Variants in LEKR1 observed in about 807,000 individuals in gnomAD.
LEKR1 encodes protein LEKR1.
Under a neutral mutation model 72.4 loss-of-function variants are expected in LEKR1, and 59 were observed. The ratio of observed to expected loss-of-function variants is 0.82; its 90% CI spans 0.66 to 1.01. The LOEUF (loss-of-function observed/expected upper bound fraction) is 1.01. Among genes scored for constraint, LEKR1 ranks in the 50% least tolerant of loss-of-function variants. The pLI, the probability that LEKR1 is intolerant of heterozygous loss-of-function variation, is 0.00. For missense variants in LEKR1, 728 were observed against 759.2 expected, an observed-to-expected ratio of 0.96 and a Z score of 0.48; for synonymous variants, 257 against 263.2, an observed-to-expected ratio of 0.98 and a Z score of 0.23.
chr3:156,953,205 GA>G (rs1396657906), intron 6 of LEKR1, among the ~76,000 whole-genome samples: 1 of 150,440 alleles, frequency 6.6e-6, no homozygotes, highest in Non-Finnish European at 1.5e-5. Context: ...GAGATTTACT[GA>G]AAAAAATGAA....
At chr3:157,028,513 G>A (rs558158091) in intron 12 of LEKR1, 111 bp downstream of exon 12, 3 of 905,256 alleles carry the variant, frequency 3.3e-6, no homozygotes, top group Non-Finnish European at 5.0e-6. Context: ...GTCCTGGAAT[G>A]TTAGTCTGAC....
intron 2 of LEKR1, among the ~76,000 whole-genome samples, chr3:156,844,926 G>A: frequency 7.9e-6 from 1 of 126,352 alleles, no homozygotes; most frequent in Admixed American, 8.5e-5. Context: ...TTTTTTTAAA[G>A]ACACTACTAA....
chr3:156,990,355 AT>A (rs998934351), intron 7 of LEKR1, among the ~76,000 whole-genome samples: 1 of 152,102 alleles, frequency 6.6e-6, no homozygotes, highest in African/African-American at 2.4e-5. Context: ...ATGTTGCTCA[AT>A]TTTTCTGCAT....
intron 3 of LEKR1, among the ~76,000 whole-genome samples, chr3:156,906,277 T>A (rs947641752): frequency 6.6e-6 from 1 of 152,230 alleles, no homozygotes; most frequent in Non-Finnish European, 1.5e-5. Flanking sequence ...AATATCATTC[T>A]CTAATTTGTT....
At chr3:156,994,972 T>C (rs1396900603) in intron 9 of LEKR1, among the ~76,000 whole-genome samples, 1 of 152,248 alleles carries the variant, frequency 6.6e-6, no homozygotes, top group Non-Finnish European at 1.5e-5. Context: ...CTTAAGCACA[T>C]GTTTTAGACT....
chr3:156,897,308 T>A (rs912790129), intron 3 of LEKR1, among the ~76,000 whole-genome samples: 1 of 152,052 alleles, frequency 6.6e-6, no homozygotes, highest in African/African-American at 2.4e-5. Flanking sequence ...GGTATTAGTG[T>A]GTTGATGGAA....
At chr3:156,973,834 T>C (rs1729459621) in intron 6 of LEKR1, among the ~76,000 whole-genome samples, 1 of 152,154 alleles carries the variant, frequency 6.6e-6, no homozygotes, top group Non-Finnish European at 1.5e-5. Context: ...CTTTGTATTC[T>C]TCATATTGGC....
chr3:157,002,477 C>T (rs538048461), intron 9 of LEKR1, among the ~76,000 whole-genome samples: 2 of 152,234 alleles, frequency 1.3e-5, no homozygotes, highest in East Asian at 3.9e-4. Flanking sequence ...ATCTTTTTCA[C>T]ACATATAATC....
intron 6 of LEKR1, among the ~76,000 whole-genome samples, chr3:156,978,817 A>G (rs1032853848): frequency 1.3e-5 from 2 of 152,206 alleles, no homozygotes; most frequent in African/African-American, 4.8e-5. Flanking sequence ...CCAGACCACA[A>G]AAGTGAGCTC....
chr3:156,904,605 C>T (rs921549523), intron 3 of LEKR1, among the ~76,000 whole-genome samples: 6 of 151,002 alleles, frequency 4.0e-5, no homozygotes, highest in Non-Finnish European at 5.9e-5. Context: ...ACTGCAGACA[C>T]GCCACACTAC....
chr3:156,963,943 A>G (rs1049389083), intron 6 of LEKR1, among the ~76,000 whole-genome samples: 2 of 152,172 alleles, frequency 1.3e-5, no homozygotes, highest in African/African-American at 2.4e-5. Context: ...AGCCTGGCTG[A>G]TGGTAAACAT....
intron 2 of LEKR1, among the ~76,000 whole-genome samples, chr3:156,841,161 G>A (rs985166195): frequency 6.6e-6 from 1 of 152,174 alleles, no homozygotes; most frequent in Non-Finnish European, 1.5e-5. Context: ...GCCAGAGGGG[G>A]AACTTTATGC....
At chr3:156,864,239 T>G (rs538330218) in intron 3 of LEKR1, among the ~76,000 whole-genome samples, 2 of 152,140 alleles carry the variant, frequency 1.3e-5, no homozygotes, top group South Asian at 4.1e-4. Flanking sequence ...ATGCCATGTT[T>G]GTTATGTCAG....
intron 6 of LEKR1, among the ~76,000 whole-genome samples, chr3:156,961,212 A>T (rs1356206149): frequency 6.6e-6 from 1 of 152,246 alleles, no homozygotes; most frequent in Non-Finnish European, 1.5e-5. Flanking sequence ...AATACTTTAA[A>T]AAATGATTTT....
chr3:156,897,411 A>C (rs1721306243), intron 3 of LEKR1, among the ~76,000 whole-genome samples: 1 of 152,066 alleles, frequency 6.6e-6, no homozygotes. Context: ...GGTCCTGAGA[A>C]CATGTGCTCA....
chr3:156,882,284 T>A (rs1404118102), intron 3 of LEKR1, among the ~76,000 whole-genome samples: 2 of 151,110 alleles, frequency 1.3e-5, no homozygotes, highest in African/African-American at 2.4e-5. Flanking sequence ...GAATCTACAA[T>A]GAACTCAAAC....
intron 5 of LEKR1, among the ~76,000 whole-genome samples, chr3:156,938,518 A>G (rs4680316): frequency 0.51 from 77,073 of 151,900 alleles, 21,239 homozygotes; most frequent in East Asian, 0.73. Context: ...CTGGGACTAC[A>G]GGCGCATGCC....
intron 5 of LEKR1, among the ~76,000 whole-genome samples, chr3:156,938,892 G>A (rs889323354): frequency 1.3e-5 from 2 of 152,086 alleles, no homozygotes; most frequent in Non-Finnish European, 2.9e-5. Flanking sequence ...TAAGCTCACA[G>A]GACTAATAAC....
rs1483363905 is a variant in LEKR1, at chr3:156,867,709, GTGTT to G, written c.263+14731_263+14734del. 5.9e-5 allele frequency among the ~76,000 whole-genome samples: 9 copies of G among 152,108 alleles called. 1 individual carries two copies. The South Asian group carries it at 8.3e-4, about 14-fold the overall frequency. On this transcript the variant is annotated intron_variant, in intron 3 of 12. Transcript: ENST00000356539. ...CTGTCTTATTTTGTATTTTGTGTGT[GTGTT>G]TGTGTTCTTAAGTCTCAGCTTTTAA...
Sources: allele counts gnomAD v4.1 joint callset (sites outside exome capture counted in the v4.1 genomes callset), GRCh38; gene constraint gnomAD v4.1.1; transcripts MANE v1.5; gene names NCBI Gene and HGNC (gene_info 2026-07-23, HGNC 2026-07-21).